Variants in OFD1 observed in about 807,000 individuals in gnomAD.
OFD1 encodes centriole and centriolar satellite protein OFD1.
Under a neutral mutation model 81.4 loss-of-function variants are expected in OFD1, and 12 were observed. The observed-to-expected ratio is 0.15, with a 90% CI of 0.09 to 0.24. The LOEUF is 0.24. Ranked by LOEUF, OFD1 falls within the 10% of genes least tolerant of loss-of-function variation. The pLI is 1.00. For synonymous variants in OFD1, 256 were observed against 263.7 expected (o/e 0.97, Z 0.28); for missense variants, 685 against 733.9 (o/e 0.93, Z 0.77).
chrX:13,729,555 C>G, the OFD1 span, among the ~76,000 whole-genome samples: 10 of 112,045 alleles, frequency 8.9e-5, no homozygotes, highest in South Asian at 3.7e-4. Context: ...TATGTAGAAA[C>G]CTGAAACTGG....
intron 12 of OFD1, 31 bp from the exon 13 acceptor site, chrX:13,756,547 T>A (rs758930146): frequency 8.7e-7 from 1 of 1,151,493 alleles, no homozygotes; most frequent in South Asian, 1.9e-5. Context: ...AAGTCATTAT[T>A]CAAATGTAAA....
chrX:13,724,685 C>T, the OFD1 span, among the ~76,000 whole-genome samples: 733 of 112,548 alleles, frequency 6.5e-3, 4 homozygotes, highest in African/African-American at 0.023. Flanking sequence ...GCGTGATCAA[C>T]GCAGAAGATG....
intron 20 of OFD1, among the ~76,000 whole-genome samples, chrX:13,767,505 A>AT (rs1465378166): frequency 3.6e-5 from 4 of 112,078 alleles, no homozygotes; most frequent in African/African-American, 1.3e-4. Context: ...TTTGAAGGTA[A>AT]TTTTTGTACA....
chrX:13,747,073 TG>T, intron 8 of OFD1, 120 bp downstream of exon 8: 1 of 664,998 alleles, frequency 1.5e-6, no homozygotes, highest in African/African-American at 2.1e-5. Context: ...CAATAGGGAC[TG>T]GGGCCAAGAG....
the OFD1 span, among the ~76,000 whole-genome samples, chrX:13,718,607 T>C: frequency 8.9e-6 from 1 of 112,356 alleles, no homozygotes; most frequent in African/African-American, 3.2e-5. Context: ...ATGAGTAGTG[T>C]TCTCATAATA....
At chrX:13,762,700 CTT>C (rs746703237) in intron 18 of OFD1, among the ~76,000 whole-genome samples, 2 of 112,460 alleles carry the variant, frequency 1.8e-5, no homozygotes, top group East Asian at 2.8e-4. Flanking sequence ...GAATTATTAA[CTT>C]ATCAGATTTT....
Position 13,769,288 on chromosome X carries a change from C to A in OFD1, c.*180C>A. On this transcript the variant is annotated 3_prime_UTR_variant, in exon 23 of 23. Coordinates refer to ENST00000340096, the MANE Select transcript of OFD1 (RefSeq NM_003611.3). Reference sequence around the variant, plus strand: ...GTGTGTGAACCAAGAATAATCTAGTCACGTGAAACCTCTTCTCCAGTCATA... The same window carrying A: ...GTGTGTGAACCAAGAATAATCTAGTAACGTGAAACCTCTTCTCCAGTCATA... The A allele has an allele frequency of 2.2e-6, 1 of 451,409 alleles. No individual in the cohort carries two copies. The highest frequency in any genetic ancestry group is 3.8e-5 in the South Asian group (1 of 26,456). 37.2% of individuals were successfully genotyped at this position (451,409 alleles called of 1,213,427 possible). A position where few individuals can be genotyped will look rare whatever the true frequency, so the allele number is the denominator to read the frequency against.
intron 11 of OFD1, among the ~76,000 whole-genome samples, chrX:13,753,808 CT>C (rs79349460): frequency 0.37 from 40,468 of 110,620 alleles, 6,076 homozygotes; most frequent in African/African-American, 0.53. Context: ...TTACGGAAAA[CT>C]TTTAACTTCT....
chrX:13,728,266 C>T, the OFD1 span, among the ~76,000 whole-genome samples: 9 of 111,927 alleles, frequency 8.0e-5, no homozygotes, highest in Admixed American at 3.8e-4. Context: ...CAACATCATC[C>T]TGATACCAAA....
intron 19 of OFD1, among the ~76,000 whole-genome samples, chrX:13,766,555 T>C (rs137901499): frequency 9.0e-6 from 1 of 111,075 alleles, no homozygotes; most frequent in Non-Finnish European, 1.9e-5. Flanking sequence ...AGGATCCATA[T>C]ACAAGTGATG....
At position 13,735,332 on chromosome X, in the gene OFD1, C is replaced by T. The variant is rs1405556367; in HGVS notation, c.97C>T (p.Leu33=). The T allele has an allele frequency of 8.3e-7, 1 of 1,202,518 alleles. No homozygotes were observed. The change falls in exon 2 of 23, where the codon CTG becomes TTG. Residue 33 remains leucine, a synonymous_variant. Coordinates refer to ENST00000340096, the MANE Select transcript of OFD1 (RefSeq NM_003611.3). ...LYQTFKDRGI[L]DTLKTQLRNQ... ...CCAGACGTTTAAGGATCGGGGTATA[C>T]TGGATACACTCAAGGTATCGGATTT...
In OFD1 at chrX:13,769,133, C is replaced by T. The variant is rs747309976; in HGVS notation, c.*25C>T. The T allele has an allele frequency of 3.6e-5, 40 of 1,125,645 alleles. No homozygotes were observed. In the South Asian group the frequency reaches 6.8e-4, roughly 19 times the overall value. 92.8% of individuals were successfully genotyped at this position (1,125,645 alleles called of 1,213,427 possible). A position where few individuals can be genotyped will look rare whatever the true frequency, so the allele number is the denominator to read the frequency against. On this transcript the variant is annotated 3_prime_UTR_variant, in exon 23 of 23. Coordinates refer to ENST00000340096, the MANE Select transcript of OFD1 (RefSeq NM_003611.3). ...ACCATGTTTGCTGCCCAGCTTCTAA[C>T]TTACATACCGTGAGAAGTTACGTAA...
the OFD1 span, among the ~76,000 whole-genome samples, chrX:13,725,754 G>A: frequency 8.9e-6 from 1 of 112,396 alleles, no homozygotes; most frequent in Non-Finnish European, 1.9e-5. Flanking sequence ...GACGGAGAAT[G>A]ACTTTGATGA....
the OFD1 span, chrX:13,720,573 G>A: frequency 8.9e-6 from 1 of 112,464 alleles, no homozygotes; most frequent in Admixed American, 9.4e-5. Flanking sequence ...CTTGAAGTAT[G>A]TGTGCTATAA....
chrX:13,739,690 G>T (rs1022581251), intron 5 of OFD1: 1 of 235,341 alleles, frequency 4.2e-6, no homozygotes, highest in African/African-American at 3.0e-5. Flanking sequence ...AGAGGTTGCG[G>T]TGAGCTGAGA....
In OFD1 at chrX:13,760,545, C is replaced by T. The variant is rs1170902442; in HGVS notation, c.2085C>T (p.Asp695=). 8.4e-7 allele frequency: 1 copy of T among 1,189,702 alleles called. No individual in the cohort carries two copies. The highest frequency in any genetic ancestry group is 1.9e-5 in the South Asian group (1 of 53,275). The change falls in exon 16 of 23, where the codon GAC becomes GAT. Residue 695 remains aspartate, a synonymous_variant. Coordinates refer to ENST00000340096, the MANE Select transcript of OFD1 (RefSeq NM_003611.3). ...SSPERHIFGE[D]RVVSEQPQVG... ...CGGAAAGACATATTTTTGGAGAGGACAGAGTTGTCTCTGAGCAGCCTCAAG... is the reference window on the plus strand; with the variant it reads ...CGGAAAGACATATTTTTGGAGAGGATAGAGTTGTCTCTGAGCAGCCTCAAG...
At chrX:13,743,237 T>A (rs1417667801) in intron 5 of OFD1, among the ~76,000 whole-genome samples, 1 of 112,793 alleles carries the variant, frequency 8.9e-6, no homozygotes. Context: ...GTTAAAACTA[T>A]GTATTTGTAA....
At chrX:13,742,376 A>G (rs754122376) in intron 5 of OFD1, among the ~76,000 whole-genome samples, 12 of 111,721 alleles carry the variant, frequency 1.1e-4, no homozygotes, top group Non-Finnish European at 2.1e-4. Context: ...AAAATGCAAA[A>G]CTATAAAACT....
Position 13,754,362 on chromosome X carries a change from A to G in OFD1, c.1130-789A>G, listed in dbSNP as rs997197849. On this transcript the variant is annotated intron_variant, in intron 11 of 22. Transcript: ENST00000340096. The stretch of plus-strand genomic sequence containing the variant: ...ATTTCAAGTAGATTCCTGGGAGGAA[A>G]CCAGGGTTAGATAGTTGATGTTGAC... Among the ~76,000 whole-genome samples, 3 of 110,385 alleles carry G rather than the reference A, an allele frequency of 2.7e-5. No homozygotes were observed. In the Admixed American group the frequency reaches 2.9e-4, roughly 11 times the overall value.
Sources: gnomAD v4.1 joint callset for allele counts (sites outside exome capture counted in the v4.1 genomes callset) on GRCh38, gnomAD v4.1.1 for gene constraint, MANE v1.5 for transcripts, NCBI Gene and HGNC (gene_info 2026-07-23, HGNC 2026-07-21) for gene names.